The following TSPAN32 variants were observed in gnomAD, a reference collection of about 807,000 sequenced individuals.
The protein encoded by TSPAN32 is tetraspanin 32.
A neutral mutation model predicts 42.7 loss-of-function variants in TSPAN32; 47 were observed. The ratio of observed to expected loss-of-function variants is 1.10; its 90% CI spans 0.87 to 1.40. TSPAN32 has a LOEUF of 1.40. Ranked by LOEUF, TSPAN32 falls within the 40% of genes most tolerant of loss-of-function variation. The pLI is 0.00. For missense variants in TSPAN32, 469 were observed against 424.1 expected, an observed-to-expected ratio of 1.11 and a Z score of -0.93; for synonymous variants, 175 against 175.9, an observed-to-expected ratio of 0.99 and a Z score of 0.04.
intron 5 of TSPAN32, 87 bp from the exon 6 acceptor site, chr11:2,314,398 T>A: frequency 9.4e-7 from 1 of 1,068,566 alleles, no homozygotes; most frequent in Non-Finnish European, 1.4e-6. Flanking sequence ...ACCTGGATAC[T>A]TGTGGTGCCT....
At chr11:2,311,568 A>G (rs1848462698) in intron 4 of TSPAN32, among the ~76,000 whole-genome samples, 1 of 152,140 alleles carries the variant, frequency 6.6e-6, no homozygotes, top group African/African-American at 2.4e-5. Context: ...GGCTCAGGCC[A>G]GAGCCAGCTC....
In TSPAN32 at chr11:2,317,441, A is replaced by G. The variant is rs144460879; in HGVS notation, c.817A>G (p.Arg273Gly). ...LHSEAVAIGP[R>G]GCSGSLRWLQ... The stretch of plus-strand genomic sequence containing the variant: ...CTCCGAAGCAGTTGCTATTGGTCCA[A>G]GAGGATGCTCGGGTAGTCTTCGGTG... Residue 273 changes from arginine to glycine, a missense_variant, in exon 9 of 10, where the codon AGA becomes GGA. Transcript: ENST00000182290. This position sits in a 1 kb window ranked among gnomAD's most constrained non-coding sequence, Gnocchi z 6.2. 13 of 1,604,034 alleles carry G rather than the reference A, an allele frequency of 8.1e-6. No individual in the cohort carries two copies. In the African/African-American group the frequency reaches 1.6e-4, roughly 20 times the overall value.
At chr11:2,302,359 C>A in intron 1 of TSPAN32, 144 bp downstream of exon 1, 1 of 970,202 alleles carries the variant, frequency 1.0e-6, no homozygotes, top group Non-Finnish European at 1.4e-6. Context: ...GACATGTGTC[C>A]TGCCCTTGCA....
At chr11:2,302,267 G>T in intron 1 of TSPAN32, 52 bp downstream of exon 1, 1 of 1,347,812 alleles carries the variant, frequency 7.4e-7, no homozygotes, top group Non-Finnish European at 9.6e-7. Flanking sequence ...GAGCAGGGGT[G>T]AGGGGTGGCA....
chr11:2,316,033 G>C (rs1437334699), intron 6 of TSPAN32, 196 bp from the exon 7 acceptor site: 2 of 1,534,434 alleles, frequency 1.3e-6, no homozygotes, highest in South Asian at 1.2e-5. Context: ...GGCCAGCCCT[G>C]TCCCACTGGG....
intron 4 of TSPAN32, among the ~76,000 whole-genome samples, chr11:2,311,861 G>A (rs1424539434): frequency 8.5e-5 from 13 of 152,358 alleles, no homozygotes; most frequent in Admixed American, 2.0e-4. Context: ...GGAGACAGAC[G>A]GTGAAGCATC....
chr11:2,311,460 G>A (rs1030950945), intron 4 of TSPAN32, among the ~76,000 whole-genome samples: 5 of 152,152 alleles, frequency 3.3e-5, no homozygotes, highest in African/African-American at 4.8e-5. Flanking sequence ...AATAATTCAT[G>A]CTCAAATTAA....
At chr11:2,314,737 G>A (rs1848677947) in intron 6 of TSPAN32, 166 bp downstream of exon 6, 2 of 614,580 alleles carry the variant, frequency 3.3e-6, no homozygotes, top group Non-Finnish European at 2.9e-6. Context: ...GTGATCGGAG[G>A]CTAGTTAGGG....
intron 6 of TSPAN32, chr11:2,314,926 C>T: frequency 2.9e-6 from 1 of 341,340 alleles, no homozygotes; most frequent in Non-Finnish European, 5.6e-6. Flanking sequence ...CCCATGAGGG[C>T]TCTGTGCCAA....
intron 3 of TSPAN32, among the ~76,000 whole-genome samples, chr11:2,305,310 C>G (rs542939107): frequency 1.3e-5 from 2 of 151,266 alleles, no homozygotes; most frequent in East Asian, 3.9e-4. Flanking sequence ...CCGGCCTGTG[C>G]TATCTGGCTT....
exon 10 of TSPAN32, chr11:2,318,199 TCAC>T: frequency 2.3e-6 from 1 of 427,150 alleles, no homozygotes; most frequent in South Asian, 3.2e-5. This position sits in a 1 kb window ranked among gnomAD's most constrained non-coding sequence, Gnocchi z 4.2. Flanking sequence ...TGTGCAACCA[TCAC>T]CACCATCTAT....
At position 2,313,583 on chromosome 11, in the gene TSPAN32, G is replaced by A. The variant is rs1240322688; in HGVS notation, c.355-71G>A. On this transcript the variant is annotated intron_variant, in intron 4 of 9. Coordinates refer to ENST00000182290, the MANE Select transcript of TSPAN32 (RefSeq NM_139022.3). The surrounding 1 kb of genome is among the most constrained non-coding windows in gnomAD (Gnocchi z 9.1). ...CTAAGGGCCCACTAGCGTTTGGGAT[G>A]TCGTGGGGAGGGGGCTGTGTCCCCG... is the stretch of plus-strand genomic sequence containing the variant. 6 of 1,262,210 alleles carry A rather than the reference G, an allele frequency of 4.8e-6. No individual in the cohort carries two copies. Among genetic ancestry groups the A allele is most frequent in the South Asian group, 1.3e-5 (1 of 76,938 alleles). The allele number at this position is 1,262,210 out of a possible 1,614,324, so 78.2% of individuals were successfully genotyped here.
chr11:2,302,765 CA>C, intron 1 of TSPAN32, 78 bp from the exon 2 acceptor site: 1 of 1,224,474 alleles, frequency 8.2e-7, no homozygotes, highest in Non-Finnish European at 1.2e-6. Flanking sequence ...GAGAGAGCCC[CA>C]ACCCTGCCCG....
intron 4 of TSPAN32, among the ~76,000 whole-genome samples, chr11:2,311,046 C>T (rs982167027): frequency 2.6e-5 from 4 of 152,352 alleles, no homozygotes; most frequent in South Asian, 2.1e-4. Flanking sequence ...AGGTGAGAGC[C>T]GGGGGCCCAG....
Position 2,302,888 on chromosome 11 carries a change from C to T in TSPAN32, c.111C>T (p.Phe37=), listed in dbSNP as rs146480945. The T allele has an allele frequency of 1.4e-4, 220 of 1,613,694 alleles. 1 individual carries two copies. The African/African-American group carries it at 2.1e-3, about 15-fold the overall frequency. Residue 37 remains phenylalanine, a synonymous_variant, in exon 2 of 10, where the codon TTC becomes TTT. Transcript: ENST00000182290. ...CCACCATGGTGACTCTTACCTACTT[C>T]GGGGCCCACTTTGCTGTCATCCGCC... ...SVATMVTLTY[F]GAHFAVIRRA...
Position 2,317,882 on chromosome 11 carries a change from C to A in TSPAN32, c.921C>A (p.Arg307=), listed in dbSNP as rs529106769. ...TCGCAGCTCTCCAGGGCAGAAGTCG[C>A]GGTGGGCTCAGTGGGTGCCCTGAGC... The part of the protein sequence containing the change: ...AAHRALQGRS[R]GGLSGCPERG... The change falls in exon 10 of 10, where the codon CGC becomes CGA. Residue 307 remains arginine, a synonymous_variant. Coordinates refer to ENST00000182290, the MANE Select transcript of TSPAN32 (RefSeq NM_139022.3). The surrounding 1 kb of genome is among the most constrained non-coding windows in gnomAD (Gnocchi z 6.2). The A allele has an allele frequency of 1.1e-5, 16 of 1,491,066 alleles. No individual in the cohort carries two copies. Among genetic ancestry groups the A allele is most frequent in the African/African-American group, 8.3e-5 (6 of 72,514 alleles). The allele number at this position is 1,491,066 out of a possible 1,614,324, so 92.4% of individuals were successfully genotyped here. A position where few individuals can be genotyped will look rare whatever the true frequency, so the allele number is the denominator to read the frequency against.
intron 3 of TSPAN32, among the ~76,000 whole-genome samples, chr11:2,307,556 A>AT (rs1257828902): frequency 6.6e-6 from 1 of 152,172 alleles, no homozygotes; most frequent in Non-Finnish European, 1.5e-5. Context: ...GTGGGAGGAC[A>AT]TCCCCAGGGT....
intron 4 of TSPAN32, chr11:2,309,643 T>C (rs543206256): frequency 1.1e-5 from 3 of 282,080 alleles, no homozygotes; most frequent in South Asian, 9.6e-5. Flanking sequence ...TGGCCTCGTG[T>C]ATTCAAGTGC....
intron 4 of TSPAN32, among the ~76,000 whole-genome samples, chr11:2,309,081 C>T (rs1848309743): frequency 6.6e-6 from 1 of 152,108 alleles, no homozygotes; most frequent in African/African-American, 2.4e-5. Flanking sequence ...CTTAAAGCCC[C>T]TCAGCCCACC....
Sources: allele counts gnomAD v4.1 joint callset (sites outside exome capture counted in the v4.1 genomes callset), GRCh38; gene constraint gnomAD v4.1.1; non-coding constraint Gnocchi (gnomAD v3.1); transcripts MANE v1.5; gene names NCBI Gene and HGNC (gene_info 2026-07-23, HGNC 2026-07-21).